The following PINX1 variants were observed in gnomAD, a reference collection of about 807,000 sequenced individuals.
The protein encoded by PINX1 is PIN2/TERF1-interacting telomerase inhibitor 1.
Under a neutral mutation model 25.4 loss-of-function variants are expected in PINX1, and 34 were observed. The observed-to-expected ratio is 1.34, with a 90% CI of 1.02 to 1.78. PINX1 has a LOEUF of 1.78. Ranked by LOEUF, PINX1 falls within the 40% of genes most tolerant of loss-of-function variation. The probability of loss-of-function intolerance (pLI) is 0.00; values close to 1 mark genes in which losing one functional copy is unlikely to be tolerated. For missense variants in PINX1, 592 were observed against 404.9 expected, an observed-to-expected ratio of 1.46 and a Z score of -3.97; for synonymous variants, 197 against 147.7, an observed-to-expected ratio of 1.33 and a Z score of -2.42.
At chr8:10,766,597 C>T (rs1801056412) in intron 6 of PINX1, among the ~76,000 whole-genome samples, 1 of 152,182 alleles carries the variant, frequency 6.6e-6, no homozygotes. Flanking sequence ...TTTCCCTCAG[C>T]TGGGGGTGGG....
chr8:10,828,489 C>G (rs1164591033), intron 4 of PINX1, among the ~76,000 whole-genome samples: 1 of 152,108 alleles, frequency 6.6e-6, no homozygotes, highest in Non-Finnish European at 1.5e-5. Flanking sequence ...AAGGCACACC[C>G]AGGAAGCCCC....
At chr8:10,774,176 C>G (rs557710430) in intron 6 of PINX1, among the ~76,000 whole-genome samples, 1 of 152,256 alleles carries the variant, frequency 6.6e-6, no homozygotes, top group Non-Finnish European at 1.5e-5. Context: ...GTGAAAATTG[C>G]TGAAGAACCA....
intron 6 of PINX1, among the ~76,000 whole-genome samples, chr8:10,788,510 A>G (rs1801822587): frequency 6.6e-6 from 1 of 152,184 alleles, no homozygotes; most frequent in African/African-American, 2.4e-5. Flanking sequence ...GGGTGCAGTG[A>G]GCCAAGATCG....
chr8:10,783,280 T>G (rs1801650314), intron 6 of PINX1, among the ~76,000 whole-genome samples: 1 of 152,160 alleles, frequency 6.6e-6, no homozygotes. Context: ...CCTTTAGAGA[T>G]AAATACTCAA....
At chr8:10,802,159 T>C (rs1563219123) in intron 6 of PINX1, among the ~76,000 whole-genome samples, 1 of 152,102 alleles carries the variant, frequency 6.6e-6, no homozygotes, top group Non-Finnish European at 1.5e-5. Flanking sequence ...TTTAGCATAA[T>C]CAAGAACTTC....
rs994783556 is a variant in PINX1 at position 10,826,100 on chromosome 8, T to C, written c.394+52A>G. On this transcript the variant is annotated intron_variant, in intron 5 of 6. Coordinates refer to ENST00000314787, the MANE Select transcript of PINX1 (RefSeq NM_017884.6). ...CCAGAGCTAAAATGCTTCAAGCAAC[T>C]CAGGACAAACACGTAGATTTCAATA... 12 of 1,023,116 alleles carry C rather than the reference T, an allele frequency of 1.2e-5. No homozygotes were observed. In the African/African-American group the frequency reaches 1.9e-4, roughly 16 times the overall value. The allele number at this position is 1,023,116 out of a possible 1,614,324, so 63.4% of individuals were successfully genotyped here.
At chr8:10,827,761 A>G (rs963066391) in intron 4 of PINX1, among the ~76,000 whole-genome samples, 5 of 151,496 alleles carry the variant, frequency 3.3e-5, no homozygotes, top group African/African-American at 4.9e-5. Flanking sequence ...AAAAAAAAAA[A>G]TTAGCCGGGC....
chr8:10,781,393 C>A (rs1801580642), intron 6 of PINX1, among the ~76,000 whole-genome samples: 1 of 152,158 alleles, frequency 6.6e-6, no homozygotes, highest in South Asian at 2.1e-4. Context: ...AGGAAACAAT[C>A]AACACAATGA....
At chr8:10,780,601 C>T (rs1801555998) in intron 6 of PINX1, among the ~76,000 whole-genome samples, 1 of 151,380 alleles carries the variant, frequency 6.6e-6, no homozygotes, top group Non-Finnish European at 1.5e-5. Flanking sequence ...AAAACAATCC[C>T]ATTTATGGTA....
At chr8:10,774,307 G>C (rs1021100774) in intron 6 of PINX1, among the ~76,000 whole-genome samples, 1 of 149,532 alleles carries the variant, frequency 6.7e-6, no homozygotes, top group African/African-American at 2.5e-5. Context: ...TTGAGACGGA[G>C]TTTCACTCTT....
intron 5 of PINX1, chr8:10,821,946 C>T (rs1318057546): frequency 6.6e-6 from 1 of 152,164 alleles, no homozygotes; most frequent in Non-Finnish European, 1.5e-5. Context: ...CAAAACAGAT[C>T]TGAAAGTCAA....
In PINX1 at chr8:10,775,651, A is replaced by G. The variant is rs1385853149; in HGVS notation, c.472-9735T>C. On this transcript the variant is annotated intron_variant, in intron 6 of 6. Transcript: ENST00000314787. ...ATAATTTGAGTGGCACTGCTATAAA[A>G]TATCAGCTAGCAAAGGACAGAAAAC... Among the ~76,000 whole-genome samples the G allele has an allele frequency of 3.3e-5, 5 of 152,104 alleles. No homozygotes were observed. The East Asian group carries it at 5.8e-4, about 18-fold the overall frequency.
intron 6 of PINX1, among the ~76,000 whole-genome samples, chr8:10,790,424 G>T (rs1326384663): frequency 6.6e-6 from 1 of 152,156 alleles, no homozygotes; most frequent in Non-Finnish European, 1.5e-5. Flanking sequence ...AGGCAAGCCA[G>T]GGGGAGGAAG....
At position 10,765,384 on chromosome 8, in the gene PINX1, C is replaced by T. The variant is rs1178086595; in HGVS notation, c.*17G>A. ...CCCTGACAGCTGAGTGGTCGGAAGGCCCCGGCTGGGAAGGATTCATTTGGA... is the reference window on the plus strand; with the variant it reads ...CCCTGACAGCTGAGTGGTCGGAAGGTCCCGGCTGGGAAGGATTCATTTGGA... On this transcript the variant is annotated 3_prime_UTR_variant, in exon 7 of 7. Transcript: ENST00000314787. The T allele has an allele frequency of 2.5e-6, 4 of 1,571,640 alleles. No individual in the cohort carries two copies. Among genetic ancestry groups the T allele is most frequent in the Non-Finnish European group, 1.7e-6 (2 of 1,164,024 alleles).
chr8:10,828,710 A>G (rs760602193), intron 4 of PINX1, among the ~76,000 whole-genome samples: 9 of 152,034 alleles, frequency 5.9e-5, no homozygotes, highest in Admixed American at 2.6e-4. Flanking sequence ...GTTCACGTGC[A>G]CTCATGCCTG....
intron 6 of PINX1, among the ~76,000 whole-genome samples, chr8:10,809,596 T>G (rs1802562777): frequency 6.6e-6 from 1 of 152,216 alleles, no homozygotes; most frequent in South Asian, 2.1e-4. Context: ...CTGTGGGTTC[T>G]CTAAGCTTCT....
chr8:10,818,806 G>A (rs961773607), intron 6 of PINX1, among the ~76,000 whole-genome samples: 10 of 152,156 alleles, frequency 6.6e-5, no homozygotes, highest in Non-Finnish European at 7.3e-5. Context: ...GCGCGGGACT[G>A]GAATTCTAGT....
intron 6 of PINX1, among the ~76,000 whole-genome samples, chr8:10,804,186 A>G (rs1802360314): frequency 6.6e-6 from 1 of 152,234 alleles, no homozygotes; most frequent in Admixed American, 6.5e-5. Context: ...CGCAGAGCGC[A>G]GTGAGAGGCA....
intron 6 of PINX1, among the ~76,000 whole-genome samples, chr8:10,792,100 T>C (rs529668585): frequency 6.6e-6 from 1 of 152,292 alleles, no homozygotes; most frequent in Admixed American, 6.5e-5. Context: ...TCTGAGTCTC[T>C]GGATAAAGGT....
Sources: gnomAD v4.1 joint callset for allele counts (sites outside exome capture counted in the v4.1 genomes callset) on GRCh38, gnomAD v4.1.1 for gene constraint, MANE v1.5 for transcripts, NCBI Gene and HGNC (gene_info 2026-07-23, HGNC 2026-07-21) for gene names.